ATXN7L1: variants seen among roughly 807,000 people sequenced by gnomAD.
The protein encoded by ATXN7L1 is ataxin-7-like protein 1.
ATXN7L1 carries 15 observed loss-of-function variants against 70.8 expected under a neutral mutation model. The ratio of observed to expected loss-of-function variants is 0.21; its 90% CI spans 0.14 to 0.33. The LOEUF is 0.33. ATXN7L1 is among the 10% of genes least tolerant of loss of function. The pLI, the probability that ATXN7L1 is intolerant of heterozygous loss-of-function variation, is 1.00. For missense variants in ATXN7L1, 975 were observed against 1,097.1 expected (o/e 0.89, Z 1.57); for synonymous variants, 440 against 445.1 (o/e 0.99, Z 0.14).
intron 3 of ATXN7L1, among the ~76,000 whole-genome samples, chr7:105,753,344 C>T (rs1158716721): frequency 6.6e-6 from 1 of 152,206 alleles, no homozygotes; most frequent in African/African-American, 2.4e-5. Context: ...ATAATTGAGA[C>T]ATCAAATGAG....
intron 2 of ATXN7L1, among the ~76,000 whole-genome samples, chr7:105,839,040 A>G (rs2108324): frequency 0.55 from 84,055 of 152,056 alleles, 23,930 homozygotes; most frequent in East Asian, 0.95. Context: ...CAACTTTAGG[A>G]AAGCCAGCCC....
intron 3 of ATXN7L1, among the ~76,000 whole-genome samples, chr7:105,758,438 C>T (rs1410953723): frequency 6.6e-6 from 1 of 152,224 alleles, no homozygotes; most frequent in Non-Finnish European, 1.5e-5. Flanking sequence ...ACCTTGCTCC[C>T]AGCCCGGCTC....
At chr7:105,790,932 C>CT (rs1805134692) in intron 2 of ATXN7L1, among the ~76,000 whole-genome samples, 1 of 152,172 alleles carries the variant, frequency 6.6e-6, no homozygotes, top group Non-Finnish European at 1.5e-5. Flanking sequence ...CAACCTGTGT[C>CT]TTTAATGAAA....
intron 2 of ATXN7L1, among the ~76,000 whole-genome samples, chr7:105,798,508 C>T (rs1364278547): frequency 2.6e-5 from 4 of 152,204 alleles, no homozygotes; most frequent in African/African-American, 9.6e-5. Context: ...CCCAACCTGG[C>T]AGAGATCTCA....
At chr7:105,709,693 G>C (rs147002498) in intron 3 of ATXN7L1, among the ~76,000 whole-genome samples, 5 of 152,124 alleles carry the variant, frequency 3.3e-5, no homozygotes, top group African/African-American at 9.6e-5. Flanking sequence ...CACCAGAAAG[G>C]CTTGCCTACA....
rs186037064 is a variant in ATXN7L1, at chr7:105,608,369, C to G, written c.2548-479G>C. ...TGTAGCCATCTTCATCTGTAATCAT[C>G]TTGTCCCTCACAGGGTTGTGAAAAG... On this transcript the variant is annotated intron_variant, in intron 11 of 11. Transcript: ENST00000419735. Among the ~76,000 whole-genome samples the G allele has an allele frequency of 2.0e-5, 3 of 152,328 alleles. No homozygotes were observed. In the East Asian group the frequency reaches 5.8e-4, roughly 29 times the overall value.
intron 3 of ATXN7L1, among the ~76,000 whole-genome samples, chr7:105,705,882 C>T (rs185394776): frequency 5.1e-4 from 77 of 152,334 alleles, no homozygotes; most frequent in African/African-American, 1.6e-3. Context: ...AGCACACCTC[C>T]ACCTTAGCAC....
At position 105,724,573 on chromosome 7, in the gene ATXN7L1, C is replaced by CAAAAA. The variant is rs573733959; in HGVS notation, c.356-59290_356-59286dup. ...TGGACGACAGAGCAAGACTCTGTCT[C>CAAAAA]AAAAAAAAAAAAAAAAAAAAAAAAA... On this transcript the variant is annotated intron_variant, in intron 3 of 11. Transcript: ENST00000419735. Among the ~76,000 whole-genome samples, 35 of 80,460 alleles carry CAAAAA rather than the reference C, an allele frequency of 4.3e-4. 1 individual carries two copies. Among genetic ancestry groups the CAAAAA allele is most frequent in the African/African-American group, 1.2e-3 (31 of 26,586 alleles). The allele number at this position is 80,460 out of a possible 152,430, so 52.8% of individuals were successfully genotyped here.
At position 105,815,552 on chromosome 7, in the gene ATXN7L1, C is replaced by G. The variant is rs55956371; in HGVS notation, c.251-26844G>C. ...GGGAAATTATCTTCAGCTGAAAACT[C>G]TATACCCAACTAACCATTATTCAGA... On this transcript the variant is annotated intron_variant, in intron 2 of 11. Transcript: ENST00000419735. Among the ~76,000 whole-genome samples, 319 of 152,308 alleles carry G rather than the reference C, an allele frequency of 2.1e-3. 1 individual carries two copies. Among genetic ancestry groups the G allele is most frequent in the Non-Finnish European group, 3.8e-3 (257 of 68,026 alleles).
At chr7:105,638,304 A>G in intron 7 of ATXN7L1, 49 bp downstream of exon 7, 1 of 1,516,972 alleles carries the variant, frequency 6.6e-7, no homozygotes, top group Non-Finnish European at 8.9e-7. Context: ...CCAGCAAGCT[A>G]GTCACTTGAC....
chr7:105,681,154 C>T (rs377513538), intron 3 of ATXN7L1, among the ~76,000 whole-genome samples: 19 of 152,268 alleles, frequency 1.2e-4, no homozygotes, highest in East Asian at 5.8e-4. Flanking sequence ...GGGCTGGGCA[C>T]GGTTGCTCAC....
At chr7:105,717,098 T>C (rs932659074) in intron 3 of ATXN7L1, among the ~76,000 whole-genome samples, 1 of 152,120 alleles carries the variant, frequency 6.6e-6, no homozygotes, top group African/African-American at 2.4e-5. Context: ...TCCCCCCACT[T>C]TTCACATTAT....
intron 3 of ATXN7L1, among the ~76,000 whole-genome samples, chr7:105,702,223 G>A (rs955636883): frequency 1.3e-5 from 2 of 152,180 alleles, no homozygotes; most frequent in African/African-American, 4.8e-5. Flanking sequence ...GAGGGAGGGC[G>A]AGCAGAAGCA....
chr7:105,815,789 G>C (rs1217959111), intron 2 of ATXN7L1, among the ~76,000 whole-genome samples: 1 of 152,220 alleles, frequency 6.6e-6, no homozygotes, highest in Admixed American at 6.5e-5. Flanking sequence ...AGCTTGCCTA[G>C]GGAATCACAA....
rs186801803 is a variant in ATXN7L1, at chr7:105,868,273, G to T, written c.250+7539C>A. The stretch of plus-strand genomic sequence containing the variant: ...TTTCCCTATCAGAGCACTCATCGCG[G>T]TCTACCTGTACTTTCGCCACCAGGC... On this transcript the variant is annotated intron_variant, in intron 2 of 11. Coordinates refer to ENST00000419735, the MANE Select transcript of ATXN7L1 (RefSeq NM_020725.2). Among the ~76,000 whole-genome samples, 145 of 152,274 alleles carry T rather than the reference G, an allele frequency of 9.5e-4. 2 individuals are homozygous for T. In the South Asian group the frequency reaches 0.015, roughly 16 times the overall value.
chr7:105,833,231 C>G (rs1811885510), intron 2 of ATXN7L1, among the ~76,000 whole-genome samples: 1 of 152,146 alleles, frequency 6.6e-6, no homozygotes, highest in South Asian at 2.1e-4. Flanking sequence ...TGGCTGTTTC[C>G]TCAGATCATT....
chr7:105,718,349 C>T (rs918395887), intron 3 of ATXN7L1, among the ~76,000 whole-genome samples: 3 of 152,166 alleles, frequency 2.0e-5, no homozygotes, highest in Admixed American at 1.3e-4. Flanking sequence ...GTCCGAATTC[C>T]GAGTTCCTGG....
In ATXN7L1 at chr7:105,643,013, G is replaced by A. The variant is rs1421763714; in HGVS notation, c.687C>T (p.Ser229=). ...STTTTAVSAS[S]TSSSAVSTPP... is the part of the protein sequence containing the mutation. ...GGGTGGAGACGGCAGAGGACGAGGT[G>A]GAGGAGGCAGAAACTGCAGTAGTGG... is the stretch of plus-strand genomic sequence containing the variant. The change falls in exon 5 of 12, where the codon TCC becomes TCT. Residue 229 remains serine, a synonymous_variant. Coordinates refer to ENST00000419735, the MANE Select transcript of ATXN7L1 (RefSeq NM_020725.2). The A allele has an allele frequency of 3.2e-6, 5 of 1,551,780 alleles. No individual in the cohort carries two copies.
At chr7:105,754,125 G>C (rs1160220076) in intron 3 of ATXN7L1, among the ~76,000 whole-genome samples, 1 of 152,190 alleles carries the variant, frequency 6.6e-6, no homozygotes, top group East Asian at 1.9e-4. Context: ...GGGATAGACT[G>C]CGGTAAGAGC....
Sources: gnomAD v4.1 joint callset for allele counts (sites outside exome capture counted in the v4.1 genomes callset) on GRCh38, gnomAD v4.1.1 for gene constraint, MANE v1.5 for transcripts, NCBI Gene and HGNC (gene_info 2026-07-23, HGNC 2026-07-21) for gene names.